The following TMEM132D variants were observed in gnomAD, a reference collection of about 807,000 sequenced individuals.
The protein encoded by TMEM132D is mature OL transmembrane protein.
A neutral mutation model predicts 62.3 loss-of-function variants in TMEM132D; 21 were observed. That is an observed-to-expected ratio of 0.34 (90% CI 0.24 to 0.49). The LOEUF (loss-of-function observed/expected upper bound fraction) is 0.49, where lower values mean the gene tolerates loss of function less well. Ranked by LOEUF, TMEM132D falls within the 20% of genes least tolerant of loss-of-function variation. TMEM132D has a pLI of 0.99. For missense variants in TMEM132D, 1,346 were observed against 1,402.8 expected (o/e 0.96, Z 0.65); for synonymous variants, 621 against 575.6 (o/e 1.08, Z -1.13).
chr12:129,325,638 T>A (rs1050753878), intron 4 of TMEM132D, among the ~76,000 whole-genome samples: 2 of 152,162 alleles, frequency 1.3e-5, no homozygotes, highest in South Asian at 2.1e-4. Context: ...CCAGCCTTCA[T>A]GAAAGGTGTT....
At chr12:129,790,013 G>A (rs996893402) in intron 1 of TMEM132D, among the ~76,000 whole-genome samples, 3 of 152,220 alleles carry the variant, frequency 2.0e-5, no homozygotes, top group Non-Finnish European at 2.9e-5. Flanking sequence ...GGGAACTGGA[G>A]TGCGCAGGTG....
At chr12:129,777,770 C>G (rs1330537482) in intron 1 of TMEM132D, among the ~76,000 whole-genome samples, 3 of 152,054 alleles carry the variant, frequency 2.0e-5, no homozygotes, top group Non-Finnish European at 4.4e-5. Context: ...CCAAGAGCAC[C>G]TCACATATAA....
chr12:129,669,381 A>G (rs944883593), intron 2 of TMEM132D, among the ~76,000 whole-genome samples: 1 of 152,128 alleles, frequency 6.6e-6, no homozygotes, highest in African/African-American at 2.4e-5. Context: ...GAAGTCCCCA[A>G]ACTAATGCTT....
intron 3 of TMEM132D, among the ~76,000 whole-genome samples, chr12:129,384,684 A>C (rs746276730): frequency 1.3e-5 from 2 of 152,164 alleles, no homozygotes; most frequent in African/African-American, 4.8e-5. Flanking sequence ...CTGGTTAGAA[A>C]GGCAGACTTT....
chr12:129,283,302 C>T (rs1167708151), intron 4 of TMEM132D, among the ~76,000 whole-genome samples: 3 of 152,206 alleles, frequency 2.0e-5, no homozygotes, highest in Non-Finnish European at 2.9e-5. Context: ...AGTGATTCTC[C>T]TGCCTCAGCC....
chr12:129,191,029 C>T (rs1039846206), intron 5 of TMEM132D, among the ~76,000 whole-genome samples: 2 of 152,062 alleles, frequency 1.3e-5, no homozygotes, highest in Admixed American at 6.6e-5. Context: ...CCAGACGCCC[C>T]CTCCGGGTCA....
chr12:129,404,796 C>T (rs1871730059), intron 3 of TMEM132D, among the ~76,000 whole-genome samples: 1 of 152,052 alleles, frequency 6.6e-6, no homozygotes, highest in Non-Finnish European at 1.5e-5. Context: ...GAGATCTGTC[C>T]CCACGATCTG....
intron 2 of TMEM132D, among the ~76,000 whole-genome samples, chr12:129,693,575 G>C (rs1198531479): frequency 6.6e-6 from 1 of 152,242 alleles, no homozygotes. Context: ...CGCGGTGCTG[G>C]TGAGGTGGGA....
chr12:129,140,432 C>G (rs1039070125), intron 5 of TMEM132D, among the ~76,000 whole-genome samples: 2 of 152,160 alleles, frequency 1.3e-5, no homozygotes, highest in Non-Finnish European at 2.9e-5. Context: ...TCCCTGACCA[C>G]AGGCAACTAC....
rs188592198 is a variant in TMEM132D at position 129,841,448 on chromosome 12, G to C, written c.79+61813C>G. 9.1e-4 allele frequency among the ~76,000 whole-genome samples: 138 copies of C among 152,170 alleles called. 2 individuals carry two copies. The highest frequency in any genetic ancestry group is 2.7e-3 in the African/African-American group (114 of 41,526). On this transcript the variant is annotated intron_variant, in intron 1 of 8. Coordinates refer to ENST00000422113, the MANE Select transcript of TMEM132D (RefSeq NM_133448.3). Reference sequence around the variant, plus strand: ...GAAATCCCAGTTTAATCAACCCTTGGTCCCAGGGCTGCTCAGAAAAAAACT... The same window carrying C: ...GAAATCCCAGTTTAATCAACCCTTGCTCCCAGGGCTGCTCAGAAAAAAACT...
At chr12:129,578,545 G>A (rs752101052) in intron 2 of TMEM132D, among the ~76,000 whole-genome samples, 13 of 151,390 alleles carry the variant, frequency 8.6e-5, no homozygotes, top group South Asian at 2.1e-4. Flanking sequence ...ATATGTGTAC[G>A]TATATATATA....
Position 129,081,922 on chromosome 12 carries a change from G to C in TMEM132D, c.1760C>G (p.Ala587Gly). ...VRVLTQFVAE[A>G]AGPGGHLAHL... ...GGCCAGGTGTCCCCCAGGGCCGGCCGCCTCAGCCACAAACTGCGTCAGGAC... is the reference window on the plus strand; with the variant it reads ...GGCCAGGTGTCCCCCAGGGCCGGCCCCCTCAGCCACAAACTGCGTCAGGAC... The change falls in exon 7 of 9, where the codon GCG becomes GGG. Residue 587 changes from alanine to glycine, a missense_variant. Coordinates refer to ENST00000422113, the MANE Select transcript of TMEM132D (RefSeq NM_133448.3). The C allele has an allele frequency of 1.2e-6, 2 of 1,614,018 alleles. No homozygotes were observed. Among genetic ancestry groups the C allele is most frequent in the Non-Finnish European group, 1.7e-6 (2 of 1,180,020 alleles).
intron 3 of TMEM132D, among the ~76,000 whole-genome samples, chr12:129,418,173 A>G (rs939880913): frequency 5.3e-5 from 8 of 152,226 alleles, no homozygotes; most frequent in Non-Finnish European, 1.2e-4. Flanking sequence ...AGGATCTAGA[A>G]CCAGAGATAC....
At chr12:129,874,668 GC>G (rs1172182945) in intron 1 of TMEM132D, among the ~76,000 whole-genome samples, 6 of 144,174 alleles carry the variant, frequency 4.2e-5, no homozygotes, top group African/African-American at 1.5e-4. Context: ...CTTTTATACA[GC>G]CCCAAAAGTA....
At chr12:129,757,268 T>C (rs1051298958) in intron 1 of TMEM132D, among the ~76,000 whole-genome samples, 8 of 152,204 alleles carry the variant, frequency 5.3e-5, no homozygotes, top group African/African-American at 1.9e-4. Context: ...AAATTACTAA[T>C]GCTTGTGGGA....
intron 3 of TMEM132D, among the ~76,000 whole-genome samples, chr12:129,507,604 C>G (rs7485645): frequency 1 from 151,921 of 152,330 alleles, 75,757 homozygotes; most frequent in Middle Eastern, 1. Context: ...AAGTAACTCA[C>G]GAATGGAAAA....
intron 4 of TMEM132D, among the ~76,000 whole-genome samples, chr12:129,323,419 G>GA (rs3045977): frequency 3.6e-4 from 54 of 151,514 alleles, no homozygotes; most frequent in Middle Eastern, 3.4e-3. Flanking sequence ...AAAACAAACA[G>GA]AAAAAAAATA....
In TMEM132D at chr12:129,075,045, A is replaced by G; in HGVS notation, c.2130T>C (p.Ser710=). 1 of 1,606,020 alleles carries G rather than the reference A, an allele frequency of 6.2e-7. No individual in the cohort carries two copies. The highest frequency in any genetic ancestry group is 8.5e-7 in the Non-Finnish European group (1 of 1,177,494). Residue 710 remains serine (S), a synonymous_variant, in exon 9 of 9, where the codon AGT becomes AGC. Coordinates refer to ENST00000422113, the MANE Select transcript of TMEM132D (RefSeq NM_133448.3). The part of the protein sequence containing the change: ...LQRPKQEAAI[S]CWVQFSDGSV... ...AGCCATCACTGAACTGGACCCAGCA[A>G]CTGATGGCTGCTTCCTATGGAGAAA...
intron 1 of TMEM132D, among the ~76,000 whole-genome samples, chr12:129,836,208 G>A (rs775998135): frequency 6.6e-6 from 1 of 152,130 alleles, no homozygotes; most frequent in Non-Finnish European, 1.5e-5. Flanking sequence ...AAGGAAGGAT[G>A]GTTAGATCTT....
Sources: gnomAD v4.1 joint callset for allele counts (sites outside exome capture counted in the v4.1 genomes callset) on GRCh38, gnomAD v4.1.1 for gene constraint, MANE v1.5 for transcripts, NCBI Gene and HGNC (gene_info 2026-07-23, HGNC 2026-07-21) for gene names.